The following EXT1 variants were observed in gnomAD, a reference collection of about 807,000 sequenced individuals.
EXT1 encodes the protein exostosin glycosyltransferase 1.
EXT1 carries 20 observed loss-of-function variants against 82.5 expected under a neutral mutation model. That is an observed-to-expected ratio of 0.24 (90% CI 0.17 to 0.35). The LOEUF (loss-of-function observed/expected upper bound fraction) is 0.35, where lower values mean the gene tolerates loss of function less well. Ranked by LOEUF, EXT1 falls within the 10% of genes least tolerant of loss-of-function variation. The pLI is 1.00. For synonymous variants in EXT1, 348 were observed against 350.8 expected (o/e 0.99, Z 0.09); for missense variants, 757 against 936.5 (o/e 0.81, Z 2.50).
chr8:118,082,166 G>C (rs745414262), intron 1 of EXT1, among the ~76,000 whole-genome samples: 2 of 152,108 alleles, frequency 1.3e-5, no homozygotes, highest in Non-Finnish European at 2.9e-5. Context: ...CTAGGGGAAG[G>C]GGATGGATTT....
At chr8:117,950,498 C>T (rs1329582075) in intron 1 of EXT1, among the ~76,000 whole-genome samples, 1 of 152,136 alleles carries the variant, frequency 6.6e-6, no homozygotes, top group Non-Finnish European at 1.5e-5. Flanking sequence ...GAGTACAATT[C>T]CTGTTTATGT....
chr8:118,000,843 C>G (rs554106986), intron 1 of EXT1, among the ~76,000 whole-genome samples: 1 of 151,764 alleles, frequency 6.6e-6, no homozygotes, highest in Non-Finnish European at 1.5e-5. Flanking sequence ...GACTGAGATT[C>G]TATCTACACA....
rs1812076212 is a variant in EXT1, at chr8:117,830,253, T to C, written c.1261A>G (p.Lys421Glu). The change falls in exon 4 of 11, where the codon AAG becomes GAG. Residue 421 changes from lysine (K) to glutamate (E), a missense_variant. Transcript: ENST00000378204. The stretch of plus-strand genomic sequence containing the variant: ...ACCTCTAGTGTAGTTAATACAATCT[T>C]CTCAACTGAAGAAAAATAAGCCTCC... ...LWEAYFSSVE[K>E]IVLTTLEIIQ... 1 of 1,614,036 alleles carries C rather than the reference T, an allele frequency of 6.2e-7. No homozygotes were observed. Among genetic ancestry groups the C allele is most frequent in the Non-Finnish European group, 8.5e-7 (1 of 1,179,982 alleles).
intron 1 of EXT1, among the ~76,000 whole-genome samples, chr8:117,852,865 CT>C (rs1812480091): frequency 6.6e-6 from 1 of 152,188 alleles, no homozygotes; most frequent in Non-Finnish European, 1.5e-5. Flanking sequence ...ATGGAATTCA[CT>C]GTCTTGCGTA....
chr8:117,941,485 C>T (rs934397738), intron 1 of EXT1, among the ~76,000 whole-genome samples: 5 of 152,052 alleles, frequency 3.3e-5, no homozygotes, highest in African/African-American at 1.2e-4. Context: ...GAGAGTGGAA[C>T]CTGGAAAAAG....
chr8:117,859,603 C>T (rs919273272), intron 1 of EXT1, among the ~76,000 whole-genome samples: 2 of 152,094 alleles, frequency 1.3e-5, no homozygotes, highest in Non-Finnish European at 2.9e-5. Flanking sequence ...CTATCAAAAG[C>T]AAGAGCCAAA....
At chr8:118,057,068 G>C (rs1310127212) in intron 1 of EXT1, among the ~76,000 whole-genome samples, 1 of 152,154 alleles carries the variant, frequency 6.6e-6, no homozygotes, top group African/African-American at 2.4e-5. Context: ...CGAAGGACAG[G>C]ACTGCTCTCC....
rs1365329112 is a variant in EXT1 at position 118,070,713 on chromosome 8, A to C, written c.962+39372T>G. Among the ~76,000 whole-genome samples, 3 of 152,330 alleles carry C rather than the reference A, an allele frequency of 2.0e-5. No homozygotes were observed. In the East Asian group the frequency reaches 5.8e-4, roughly 29 times the overall value. ...TATCATGTACAAATAATATATTAGA[A>C]TCACAAGAATAGCAGACAGGAGCGG... On this transcript the variant is annotated intron_variant, in intron 1 of 10. Coordinates refer to ENST00000378204, the MANE Select transcript of EXT1 (RefSeq NM_000127.3).
At chr8:117,881,786 G>A (rs1344209537) in intron 1 of EXT1, among the ~76,000 whole-genome samples, 3 of 152,186 alleles carry the variant, frequency 2.0e-5, no homozygotes, top group Non-Finnish European at 4.4e-5. Context: ...GGTTGGCAGT[G>A]ATTTTGTGGT....
At chr8:117,976,256 T>C (rs1485675369) in intron 1 of EXT1, among the ~76,000 whole-genome samples, 2 of 152,216 alleles carry the variant, frequency 1.3e-5, no homozygotes, top group East Asian at 3.8e-4. Flanking sequence ...CGCCCAGCAA[T>C]TCCTTTGAGG....
intron 1 of EXT1, among the ~76,000 whole-genome samples, chr8:117,881,180 G>A (rs17503976): frequency 1.3e-4 from 20 of 152,154 alleles, no homozygotes; most frequent in East Asian, 3.9e-4. Context: ...TTTAAAAAAC[G>A]CAGCTTGAAC....
At chr8:118,005,229 A>T (rs549121772) in intron 1 of EXT1, among the ~76,000 whole-genome samples, 2 of 152,276 alleles carry the variant, frequency 1.3e-5, no homozygotes, top group South Asian at 4.1e-4. Flanking sequence ...GATATCCCAG[A>T]CTTGCTTGCA....
chr8:117,836,110 A>C (rs1378200655), intron 2 of EXT1, among the ~76,000 whole-genome samples: 1 of 152,218 alleles, frequency 6.6e-6, no homozygotes, highest in African/African-American at 2.4e-5. Flanking sequence ...GTGTGGAGTG[A>C]TCTAAACCAC....
chr8:117,825,503 C>CT (rs1811995713), intron 4 of EXT1, among the ~76,000 whole-genome samples: 1 of 152,050 alleles, frequency 6.6e-6, no homozygotes, highest in African/African-American at 2.4e-5. Context: ...TAATACAAGA[C>CT]TTTTTTTGTT....
chr8:117,845,110 T>C lies in EXT1; in HGVS notation c.963-7909A>G, dbSNP rs377335097. ...TCCACAGAAGAGAGTCTCCTTTTCA[T>C]GTCCTCTTAAAATCCATTTCAGCAT... On this transcript the variant is annotated intron_variant, in intron 1 of 10. Transcript: ENST00000378204. Among the ~76,000 whole-genome samples, 57 of 152,318 alleles carry C rather than the reference T, an allele frequency of 3.7e-4. 1 individual carries two copies. In the East Asian group the frequency reaches 5.2e-3, roughly 14 times the overall value.
intron 1 of EXT1, among the ~76,000 whole-genome samples, chr8:117,845,335 C>G (rs1320592789): frequency 2.0e-5 from 3 of 152,156 alleles, no homozygotes; most frequent in African/African-American, 7.2e-5. Flanking sequence ...CACGCCAGGT[C>G]ATAATCTCTT....
At position 117,797,417 on chromosome 8, in the gene EXT1, G is replaced by C. The variant is rs1823102459; in HGVS notation, c.*2295C>G. 1 of 152,290 alleles carries C rather than the reference G, an allele frequency of 6.6e-6. No homozygotes were observed. Among genetic ancestry groups the C allele is most frequent in the African/African-American group, 2.4e-5 (1 of 41,550 alleles). The allele number at this position is 152,290 out of a possible 1,614,324, so 9.4% of individuals were successfully genotyped here. On this transcript the variant is annotated 3_prime_UTR_variant, in exon 11 of 11. Coordinates refer to ENST00000378204, the MANE Select transcript of EXT1 (RefSeq NM_000127.3). ...TGTGGAGGATATGTGTTGTGAGCTTGGTGACAGGTCAATCTGGCAAAGCAG... is the reference window on the plus strand; with the variant it reads ...TGTGGAGGATATGTGTTGTGAGCTTCGTGACAGGTCAATCTGGCAAAGCAG...
chr8:117,799,591 A>C lies in EXT1; in HGVS notation c.*121T>G. ...CCTTTTTTTTTTTGTCATTCTGCTCATCTAAGTTTTTGGATAGTTGGCACA... is the reference window on the plus strand; with the variant it reads ...CCTTTTTTTTTTTGTCATTCTGCTCCTCTAAGTTTTTGGATAGTTGGCACA... On this transcript the variant is annotated 3_prime_UTR_variant, in exon 11 of 11. Transcript: ENST00000378204. The C allele has an allele frequency of 8.7e-7, 1 of 1,146,420 alleles. No homozygotes were observed. Among genetic ancestry groups the C allele is most frequent in the Non-Finnish European group, 1.3e-6 (1 of 777,966 alleles). The allele number at this position is 1,146,420 out of a possible 1,614,324, so 71.0% of individuals were successfully genotyped here.
At chr8:117,854,102 T>C (rs747967378) in intron 1 of EXT1, among the ~76,000 whole-genome samples, 1 of 152,242 alleles carries the variant, frequency 6.6e-6, no homozygotes, top group Non-Finnish European at 1.5e-5. Context: ...TAAGATGACA[T>C]CTTTCTGCTA....
Sources: gnomAD v4.1 joint callset for allele counts (sites outside exome capture counted in the v4.1 genomes callset) on GRCh38, gnomAD v4.1.1 for gene constraint, MANE v1.5 for transcripts, NCBI Gene and HGNC (gene_info 2026-07-23, HGNC 2026-07-21) for gene names.